ATP13A2: variants seen among roughly 807,000 people sequenced by gnomAD.
ATP13A2 encodes the protein ATPase cation transporting 13A2, also known as polyamine-transporting ATPase 13A2.
ATP13A2 carries 83 observed loss-of-function variants against 138.3 expected under a neutral mutation model. The observed-to-expected ratio is 0.60, with a 90% confidence interval of 0.50 to 0.72. The LOEUF is 0.72. ATP13A2 is among the 30% of genes least tolerant of loss of function. ATP13A2 has a pLI of 0.00. For synonymous variants in ATP13A2, 663 were observed against 699.0 expected (o/e 0.95, Z 0.81); for missense variants, 1,402 against 1,606.4 (o/e 0.87, Z 2.17).
intron 25 of ATP13A2, among the ~76,000 whole-genome samples, 168 bp downstream of exon 25, chr1:16,987,970 C>T (rs939854494): frequency 1.3e-5 from 2 of 152,172 alleles, no homozygotes; most frequent in Admixed American, 6.5e-5. Context: ...GTGTTTTTCT[C>T]ATCTCCCCCA....
chr1:16,997,129 C>A lies in ATP13A2; in HGVS notation c.1086G>T (p.Gly362=). 1 of 1,613,772 alleles carries A rather than the reference C, an allele frequency of 6.2e-7. No homozygotes were observed. The highest frequency in any genetic ancestry group is 8.5e-7 in the Non-Finnish European group (1 of 1,180,026). The change falls in exon 12 of 29, where the codon GGG becomes GGT. Residue 362 remains glycine (G), a synonymous_variant. Transcript: ENST00000326735. The part of the protein sequence containing the change: ...VLKTALPEGL[G]PYCAETHRRH... The stretch of plus-strand genomic sequence containing the variant: ...GCCGGTGTGTCTCTGCACAGTAGGG[C>A]CCCAGCCCCTCCGGCAGTGCCGTCT...
At chr1:17,007,697 G>A (rs1390359739) in intron 1 of ATP13A2, among the ~76,000 whole-genome samples, 3 of 151,766 alleles carry the variant, frequency 2.0e-5, no homozygotes, top group African/African-American at 4.8e-5. Flanking sequence ...GACTACAGGC[G>A]CCCGCCACCA....
At position 17,004,877 on chromosome 1, in the gene ATP13A2, C is replaced by T; in HGVS notation, c.348-56G>A. On this transcript the variant is annotated intron_variant, in intron 4 of 28. Transcript: ENST00000326735. This position sits in a 1 kb window ranked among gnomAD's most constrained non-coding sequence, Gnocchi z 4.1. ...CTCTGGGAGCTGCCCTGGCACCTCC[C>T]TGTGCTCACAGAGCCATCTTCCCTC... 2 of 1,613,406 alleles carry T rather than the reference C, an allele frequency of 1.2e-6. No homozygotes were observed. The highest frequency in any genetic ancestry group is 1.7e-6 in the Non-Finnish European group (2 of 1,179,990).
At chr1:17,005,262 C>A in intron 3 of ATP13A2, 112 bp downstream of exon 3, 1 of 1,489,650 alleles carries the variant, frequency 6.7e-7, no homozygotes, top group Non-Finnish European at 9.1e-7. Context: ...AGAGCGGGAC[C>A]TGCCTAATGT....
rs1161874657 is a variant in ATP13A2 at position 16,992,520 on chromosome 1, C to T, written c.1811G>A (p.Arg604Lys). ...AFGTQVLAVM[R>K]PPLWEPQLQA... ...CAGCTGGGGCTCCCAAAGTGGGGGT[C>T]TCATCACTGCCAAGACCTGGGTCCC... Residue 604 changes from arginine (R) to lysine (K), a missense_variant, in exon 17 of 29, where the codon AGA (arginine) becomes AAA (lysine). Transcript: ENST00000326735. 6.2e-7 allele frequency: 1 copy of T among 1,614,188 alleles called. No homozygotes were observed. Among genetic ancestry groups the T allele is most frequent in the South Asian group, 1.1e-5 (1 of 91,088 alleles).
intron 1 of ATP13A2, among the ~76,000 whole-genome samples, chr1:17,008,615 C>T (rs1430405679): frequency 1.3e-5 from 2 of 152,120 alleles, no homozygotes; most frequent in Non-Finnish European, 2.9e-5. Flanking sequence ...GGCTGTCCCA[C>T]GGCTCCCTAG....
At chr1:17,002,274 C>G in intron 7 of ATP13A2, 22 bp downstream of exon 7, 1 of 1,611,218 alleles carries the variant, frequency 6.2e-7, no homozygotes, top group Non-Finnish European at 8.5e-7. Context: ...CTCAGGGCAC[C>G]CCGGTCCAGG....
At position 17,011,386 on chromosome 1, in the gene ATP13A2, C is replaced by A. The variant is rs1466616651; in HGVS notation, c.10+343G>T. Among the ~76,000 whole-genome samples the A allele has an allele frequency of 1.3e-5, 2 of 152,168 alleles. No individual in the cohort carries two copies. The highest frequency in any genetic ancestry group is 2.9e-5 in the Non-Finnish European group (2 of 68,026). On this transcript the variant is annotated intron_variant, in intron 1 of 28. Coordinates refer to ENST00000326735, the MANE Select transcript of ATP13A2 (RefSeq NM_022089.4). The surrounding 1 kb of genome is among the most constrained non-coding windows in gnomAD (Gnocchi z 7.3). ...GGACATCCGTCACTCGGGGTGGGAT[C>A]CGATTAAGTGGGCGTGGGGTGGCCT...
rs1365858933 is a variant in ATP13A2 at position 16,989,762 on chromosome 1, G to T, written c.2538C>A (p.Val846=). 6.2e-7 allele frequency: 1 copy of T among 1,614,056 alleles called. No homozygotes were observed. The highest frequency in any genetic ancestry group is 1.3e-5 in the African/African-American group (1 of 75,068). The change falls in exon 23 of 29, where the codon GTC becomes GTA. Residue 846 remains valine, a synonymous_variant. Transcript: ENST00000326735. ...HFPKLLPKVL[V]QGTVFARMAP... ...CCATGCGGGCAAAGACAGTGCCCTG[G>T]ACCAGGACCTGGGAGCACAGGGAGA...
rs371182033 is a variant in ATP13A2, at chr1:17,008,834, G to A, written c.10+2895C>T. ...ACCAAATTAGCCGGGCGTGGTGGCAGGCGCCTGTAGTCCCAGCTACTTGGG... is the reference window on the plus strand; with the variant it reads ...ACCAAATTAGCCGGGCGTGGTGGCAAGCGCCTGTAGTCCCAGCTACTTGGG... On this transcript the variant is annotated intron_variant, in intron 1 of 28. Coordinates refer to ENST00000326735, the MANE Select transcript of ATP13A2 (RefSeq NM_022089.4). 9.2e-5 allele frequency among the ~76,000 whole-genome samples: 14 copies of A among 152,168 alleles called. No homozygotes were observed. The East Asian group carries it at 2.3e-3, about 25-fold the overall frequency.
At position 17,011,836 on chromosome 1, in the gene ATP13A2, C is replaced by T; in HGVS notation, c.-98G>A. 1.9e-6 allele frequency: 2 copies of T among 1,068,454 alleles called. No homozygotes were observed. The highest frequency in any genetic ancestry group is 2.3e-6 in the Non-Finnish European group (2 of 883,138). 66.2% of individuals were successfully genotyped at this position (1,068,454 alleles called of 1,614,324 possible). ...TGGGCGGGGGCGCGGTCCGGACGGCCCGGGGCGAGGGGCGCTGGGCTAGCG... is the reference window on the plus strand; with the variant it reads ...TGGGCGGGGGCGCGGTCCGGACGGCTCGGGGCGAGGGGCGCTGGGCTAGCG... On this transcript the variant is annotated 5_prime_UTR_variant, in exon 1 of 29. Transcript: ENST00000326735. This position sits in a 1 kb window ranked among gnomAD's most constrained non-coding sequence, Gnocchi z 7.3.
At position 16,986,909 on chromosome 1, in the gene ATP13A2, T is replaced by C. The variant is rs146884019; in HGVS notation, c.3131A>G (p.Asn1044Ser). ...RTVAAPDNLP[N>S]YENTVVFSLS... The stretch of plus-strand genomic sequence containing the variant: ...AGAGAAGACCACGGTGTTCTCGTAG[T>C]TGGGCAGGTTGTCTGGTGCGGCCAC... The change falls in exon 27 of 29, where the codon AAC becomes AGC. Residue 1044 changes from asparagine to serine, a missense_variant. Coordinates refer to ENST00000326735, the MANE Select transcript of ATP13A2 (RefSeq NM_022089.4). This position sits in a 1 kb window ranked among gnomAD's most constrained non-coding sequence, Gnocchi z 6.9. 11 of 1,613,902 alleles carry C rather than the reference T, an allele frequency of 6.8e-6. No individual in the cohort carries two copies. The African/African-American group carries it at 1.5e-4, about 22-fold the overall frequency.
Position 16,992,023 on chromosome 1 carries a change from G to A in ATP13A2, c.2112C>T (p.Ala704=), listed in dbSNP as rs548587977. The A allele has an allele frequency of 1.9e-6, 3 of 1,612,930 alleles. No homozygotes were observed. The highest frequency in any genetic ancestry group is 3.3e-5 in the Admixed American group (2 of 60,000). The change falls in exon 19 of 29, where the codon GCC becomes GCT. Residue 704 remains alanine (A), a synonymous_variant. Coordinates refer to ENST00000326735, the MANE Select transcript of ATP13A2 (RefSeq NM_022089.4). Reference sequence around the variant, plus strand: ...GACAGGCCCACCTCGTCAGTTGCTGGGCTGCCTCCAGGCTGGGCACAGTGG... The same window carrying A: ...GACAGGCCCACCTCGTCAGTTGCTGAGCTGCCTCCAGGCTGGGCACAGTGG... ...PLPTVPSLEA[A]QQLTRDTVEG...
At chr1:17,008,787 T>C (rs2077663781) in intron 1 of ATP13A2, among the ~76,000 whole-genome samples, 1 of 152,004 alleles carries the variant, frequency 6.6e-6, no homozygotes, top group Non-Finnish European at 1.5e-5. Context: ...GGTGAAACCC[T>C]GTCTCTACTA....
Position 17,007,194 on chromosome 1 carries a change from T to G in ATP13A2, c.11-1416A>C, listed in dbSNP as rs2077590242. ...GCCCGGCCACAGACATTCTTTTCAC[T>G]CCTTCCTCCTGTGCTGTAGAGCTGT... On this transcript the variant is annotated intron_variant, in intron 1 of 28. Transcript: ENST00000326735. 2.0e-5 allele frequency among the ~76,000 whole-genome samples: 3 copies of G among 152,080 alleles called. No homozygotes were observed. The South Asian group carries it at 6.2e-4, about 31-fold the overall frequency.
Position 16,997,147 on chromosome 1 carries a change from T to C in ATP13A2, c.1068A>G (p.Ala356=). The part of the protein sequence containing the change: ...TGESIPVLKT[A]LPEGLGPYCA... ...AGTAGGGCCCCAGCCCCTCCGGCAGTGCCGTCTTCAGCACTGGAATGCTCT... is the reference window on the plus strand; with the variant it reads ...AGTAGGGCCCCAGCCCCTCCGGCAGCGCCGTCTTCAGCACTGGAATGCTCT... The change falls in exon 12 of 29, where the codon GCA becomes GCG. Residue 356 remains alanine, a synonymous_variant. Transcript: ENST00000326735. The C allele has an allele frequency of 6.2e-7, 1 of 1,613,672 alleles. No homozygotes were observed.
At chr1:17,001,910 C>T (rs1329134864) in intron 8 of ATP13A2, 124 bp downstream of exon 8, 5 of 971,470 alleles carry the variant, frequency 5.1e-6, no homozygotes, top group East Asian at 5.3e-5. Context: ...GATGACGATC[C>T]ACTATGGAGA....
chr1:16,990,098 G>A, intron 21 of ATP13A2, 29 bp downstream of exon 21: 1 of 1,614,160 alleles, frequency 6.2e-7, no homozygotes, highest in Non-Finnish European at 8.5e-7. Flanking sequence ...ACTGGGTGAG[G>A]TACAGCTGGA....
chr1:17,008,170 T>G (rs2077634673), intron 1 of ATP13A2, among the ~76,000 whole-genome samples: 1 of 151,998 alleles, frequency 6.6e-6, no homozygotes, highest in African/African-American at 2.4e-5. Flanking sequence ...TTTGAGACAG[T>G]CTCTCTCTGT....
Sources: gnomAD v4.1 joint callset for allele counts (sites outside exome capture counted in the v4.1 genomes callset) on GRCh38, gnomAD v4.1.1 for gene constraint, Gnocchi (gnomAD v3.1) non-coding constraint, MANE v1.5 for transcripts, NCBI Gene and HGNC (gene_info 2026-07-23, HGNC 2026-07-21) for gene names.